The following COPS9 variants were observed in gnomAD, a reference collection of about 807,000 sequenced individuals.
COPS9 encodes COP9 signalosome subunit 9, also known as COP9 signalosome complex subunit 9.
In COPS9, 8 loss-of-function variants were observed where a neutral mutation model predicts 7.2. That is an observed-to-expected ratio of 1.11 (90% confidence interval 0.65 to 2.00). The LOEUF (loss-of-function observed/expected upper bound fraction) is 2.00, where lower values mean the gene tolerates loss of function less well. COPS9 is among the 30% of genes most tolerant of loss of function. COPS9 has a pLI of 0.00. For missense variants in COPS9, 74 were observed against 77.7 expected, an observed-to-expected ratio of 0.95 and a Z score of 0.18; for synonymous variants, 39 against 28.7, an observed-to-expected ratio of 1.36 and a Z score of -1.14.
intron 1 of COPS9, 70 bp downstream of exon 1, chr2:240,136,152 C>A: frequency 1.4e-6 from 2 of 1,395,844 alleles, no homozygotes; most frequent in Non-Finnish European, 1.9e-6. Context: ...ACCCGCGCAC[C>A]AGGACGCCGC....
chr2:240,131,336 T>C (rs2071920601), intron 2 of COPS9, among the ~76,000 whole-genome samples: 1 of 152,210 alleles, frequency 6.6e-6, no homozygotes, highest in African/African-American at 2.4e-5. Context: ...AGAAAATGCA[T>C]GCAGGGCTGT....
At chr2:240,135,041 A>T (rs1444344010) in intron 1 of COPS9, among the ~76,000 whole-genome samples, 3 of 151,988 alleles carry the variant, frequency 2.0e-5, no homozygotes, top group Admixed American at 6.6e-5. Flanking sequence ...GGTTTAATGG[A>T]AGTGCTTCGG....
At chr2:240,128,463 C>T (rs1281274541), downstream of COPS9, among the ~76,000 whole-genome samples, 5 of 152,146 alleles carry the variant, frequency 3.3e-5, no homozygotes, top group South Asian at 4.1e-4. Context: ...AAGGCTCCCT[C>T]GCCCTCGGCC....
rs116573274 is a variant in COPS9, at chr2:240,135,405, G to A, written c.63+817C>T. On this transcript the variant is annotated intron_variant, in intron 1 of 2. Transcript: ENST00000607357. ...TGACACCTGGTATTTGCAATCAGCC[G>A]CTCTGCCATGCTATTACCTCCACAA... 2.0e-3 allele frequency among the ~76,000 whole-genome samples: 305 copies of A among 152,200 alleles called. 1 individual carries two copies. Among genetic ancestry groups the A allele is most frequent in the African/African-American group, 7.0e-3 (291 of 41,532 alleles).
intron 2 of COPS9, among the ~76,000 whole-genome samples, chr2:240,131,343 C>T (rs1284919585): frequency 6.6e-6 from 1 of 152,222 alleles, no homozygotes; most frequent in Non-Finnish European, 1.5e-5. Flanking sequence ...GCATGCAGGG[C>T]TGTTCTGAGT....
At chr2:240,129,346 A>T (rs960025160), downstream of COPS9, among the ~76,000 whole-genome samples, 1 of 152,070 alleles carries the variant, frequency 6.6e-6, no homozygotes, top group African/African-American at 2.4e-5. Context: ...TAATTTTTGT[A>T]TAGAGAGGGG....
chr2:240,127,827 G>A (rs2071882263), downstream of COPS9, among the ~76,000 whole-genome samples: 1 of 152,044 alleles, frequency 6.6e-6, no homozygotes, highest in Non-Finnish European at 1.5e-5. Context: ...CCTGACAAAG[G>A]GACCAGGCAT....
In COPS9 at chr2:240,132,239, G is replaced by A. The variant is rs1174610777; in HGVS notation, c.137-1151C>T. ...CCCACAATTTTGTAAGACATGGCGA[G>A]GGAAGAGAGAGTGTCTCTTTCGTGG... On this transcript the variant is annotated intron_variant, in intron 2 of 2. Coordinates refer to ENST00000607357, the MANE Select transcript of COPS9 (RefSeq NM_001163424.2). The surrounding 1 kb of genome is among the most constrained non-coding windows in gnomAD (Gnocchi z 4.1). 6.6e-6 allele frequency among the ~76,000 whole-genome samples: 1 copy of A among 152,232 alleles called. No individual in the cohort carries two copies.
intron 1 of COPS9, among the ~76,000 whole-genome samples, chr2:240,134,965 C>G (rs899701722): frequency 7.1e-6 from 1 of 140,768 alleles, no homozygotes; most frequent in Admixed American, 7.2e-5. Context: ...CTGTAAAGCC[C>G]TCCGGTGGCT....
Position 240,135,764 on chromosome 2 carries a change from G to A in COPS9, c.63+458C>T, listed in dbSNP as rs529191107. On this transcript the variant is annotated intron_variant, in intron 1 of 2. Transcript: ENST00000607357. Reference sequence around the variant, plus strand: ...CCCTCATTCTAGTTAAGATTAAGAGGCCCAATCGGAGAATTATCCTCGCTT... The same window carrying A: ...CCCTCATTCTAGTTAAGATTAAGAGACCCAATCGGAGAATTATCCTCGCTT... 30 of 162,588 alleles carry A rather than the reference G, an allele frequency of 1.8e-4. 1 individual carries two copies. Among genetic ancestry groups the A allele is most frequent in the South Asian group, 9.8e-4 (5 of 5,090 alleles). The allele number at this position is 162,588 out of a possible 1,614,324, so 10.1% of individuals were successfully genotyped here.
chr2:240,133,436 C>A (rs1253716214), intron 2 of COPS9, among the ~76,000 whole-genome samples: 2 of 152,226 alleles, frequency 1.3e-5, no homozygotes, highest in Non-Finnish European at 2.9e-5. Flanking sequence ...GAGGAAAACA[C>A]ATCCTGCGTC....
At chr2:240,127,476 C>A (rs1018714941), downstream of COPS9, among the ~76,000 whole-genome samples, 1 of 152,200 alleles carries the variant, frequency 6.6e-6, no homozygotes, top group Non-Finnish European at 1.5e-5. Flanking sequence ...CATGTCTGCT[C>A]ACCCTCCAAT....
At chr2:240,130,633 C>T (rs777406050), downstream of COPS9, among the ~76,000 whole-genome samples, 2 of 152,230 alleles carry the variant, frequency 1.3e-5, no homozygotes, top group Non-Finnish European at 2.9e-5. Flanking sequence ...GTCAGCAGGC[C>T]CAGCTGTGCA....
downstream of COPS9, chr2:240,126,964 T>G: frequency 6.2e-7 from 1 of 1,604,168 alleles, no homozygotes. Flanking sequence ...AGGAAGCTCG[T>G]GACACTAGAA....
chr2:240,134,089 CA>C, intron 1 of COPS9, 84 bp from the exon 2 acceptor site: 4 of 1,273,918 alleles, frequency 3.1e-6, no homozygotes, highest in South Asian at 1.3e-5. Context: ...ACTACCCCCA[CA>C]AAAAAAGAAG....
At chr2:240,130,071 G>T, downstream of COPS9, 1 of 1,521,070 alleles carries the variant, frequency 6.6e-7, no homozygotes, top group Non-Finnish European at 9.1e-7. Flanking sequence ...GGATGACAGG[G>T]TGGAAATCCA....
chr2:240,131,426 C>T (rs2071921989), intron 2 of COPS9, among the ~76,000 whole-genome samples: 1 of 152,242 alleles, frequency 6.6e-6, no homozygotes, highest in African/African-American at 2.4e-5. Context: ...CCCACGAGTG[C>T]ACGGGCACCC....
At chr2:240,130,794 A>G (rs2071914131), downstream of COPS9, 1 of 1,366,582 alleles carries the variant, frequency 7.3e-7, no homozygotes, top group Non-Finnish European at 9.4e-7. Flanking sequence ...TGCAACATTC[A>G]CTCATAAGTG....
chr2:240,134,568 CA>C (rs1167049485), intron 1 of COPS9, among the ~76,000 whole-genome samples: 2 of 152,184 alleles, frequency 1.3e-5, no homozygotes, highest in Non-Finnish European at 2.9e-5. Flanking sequence ...TGTTTAGAGT[CA>C]ACCGGTGACA....
Sources: allele counts gnomAD v4.1 joint callset (sites outside exome capture counted in the v4.1 genomes callset), GRCh38; gene constraint gnomAD v4.1.1; non-coding constraint Gnocchi (gnomAD v3.1); transcripts MANE v1.5; gene names NCBI Gene and HGNC (gene_info 2026-07-23, HGNC 2026-07-21).